SLC43A2: variants seen among roughly 807,000 people sequenced by gnomAD.
SLC43A2 encodes the protein solute carrier family 43 member 2.
In SLC43A2, 38 loss-of-function variants were observed where a neutral mutation model predicts 63.2. The observed-to-expected ratio is 0.60, with a 90% CI of 0.46 to 0.79. The LOEUF is 0.79. Ranked by LOEUF, SLC43A2 falls within the 30% of genes least tolerant of loss-of-function variation. The probability of loss-of-function intolerance (pLI) is 0.00; values close to 1 mark genes in which losing one functional copy is unlikely to be tolerated. For synonymous variants in SLC43A2, 322 were observed against 331.0 expected (o/e 0.97, Z 0.30); for missense variants, 644 against 756.2 (o/e 0.85, Z 1.74).
chr17:1,591,310 G>C lies in SLC43A2; in HGVS notation c.890C>G (p.Ser297Cys). ...GCACTTCACCTCCAGGTCGACGGTG[G>C]ACAGGCACAGCTTGTGGCCCTCCTG... ...ALQEGHKLCL[S>C]TVDLEVKCQP... Residue 297 changes from serine (S) to cysteine (C), a missense_variant, in exon 8 of 14, where the codon TCC becomes TGC. Around this residue, in one of 3 missense-constraint regions of SLC43A2, gnomAD observed 528 missense variants for 623.6 expected, o/e 0.85. Transcript: ENST00000301335. 6.2e-7 allele frequency: 1 copy of C among 1,607,736 alleles called. No individual in the cohort carries two copies. The highest frequency in any genetic ancestry group is 8.5e-7 in the Non-Finnish European group (1 of 1,179,930).
intron 2 of SLC43A2, among the ~76,000 whole-genome samples, chr17:1,625,019 C>A (rs1014857385): frequency 2.0e-5 from 3 of 152,170 alleles, no homozygotes; most frequent in Non-Finnish European, 4.4e-5. Context: ...CGTCACGTTG[C>A]CATCCCAGAG....
intron 11 of SLC43A2, among the ~76,000 whole-genome samples, chr17:1,581,207 C>G (rs184959907): frequency 4.3e-4 from 66 of 152,112 alleles, no homozygotes; most frequent in African/African-American, 1.6e-3. Flanking sequence ...AGTGCCCACA[C>G]ACACACACAC....
intron 5 of SLC43A2, chr17:1,604,882 G>A (rs555228626): frequency 6.5e-7 from 1 of 1,535,310 alleles, no homozygotes; most frequent in African/African-American, 1.4e-5. Flanking sequence ...TCCGTCCCCA[G>A]CTTCCCTGCC....
At chr17:1,600,143 TA>T (rs1393472806) in intron 5 of SLC43A2, among the ~76,000 whole-genome samples, 4 of 80,362 alleles carry the variant, frequency 5.0e-5, no homozygotes, top group African/African-American at 2.0e-4. Context: ...TGAATATATA[TA>T]TATATATATT....
intron 5 of SLC43A2, among the ~76,000 whole-genome samples, chr17:1,607,377 C>A (rs1480881348): frequency 6.6e-6 from 1 of 152,202 alleles, no homozygotes; most frequent in Non-Finnish European, 1.5e-5. Context: ...AGATTCGGCT[C>A]TGCTCAGCAG....
intron 3 of SLC43A2, 111 bp downstream of exon 3, chr17:1,616,451 G>T: frequency 9.3e-7 from 1 of 1,075,912 alleles, no homozygotes. Flanking sequence ...GGCCTTCAGG[G>T]AGCTCCACAG....
intron 2 of SLC43A2, among the ~76,000 whole-genome samples, chr17:1,621,316 A>G (rs570830561): frequency 1.7e-4 from 26 of 152,226 alleles, no homozygotes; most frequent in African/African-American, 5.5e-4. Context: ...ACCTGGCTTG[A>G]GGTCCCCTCT....
chr17:1,575,348 C>G lies in SLC43A2; in HGVS notation c.*256G>C. On this transcript the variant is annotated 3_prime_UTR_variant, in exon 14 of 14. Coordinates refer to ENST00000301335, the MANE Select transcript of SLC43A2 (RefSeq NM_152346.3). ...CTCCTGCTGCAGGCACCACAGAGACCCCAGGCCCCGGGTCCCCGGGGGGCG... is the reference window on the plus strand; with the variant it reads ...CTCCTGCTGCAGGCACCACAGAGACGCCAGGCCCCGGGTCCCCGGGGGGCG... 1 of 551,812 alleles carries G rather than the reference C, an allele frequency of 1.8e-6. No homozygotes were observed. Among genetic ancestry groups the G allele is most frequent in the South Asian group, 2.1e-5 (1 of 48,284 alleles). 34.2% of individuals were successfully genotyped at this position (551,812 alleles called of 1,614,324 possible).
At chr17:1,626,018 A>G (rs552107858) in intron 2 of SLC43A2, among the ~76,000 whole-genome samples, 2 of 151,796 alleles carry the variant, frequency 1.3e-5, no homozygotes, top group South Asian at 2.1e-4. Context: ...AAAAAAACAA[A>G]AAACAAAAAA....
In SLC43A2 at chr17:1,580,087, C is replaced by T. The variant is rs186476791; in HGVS notation, c.1351-1764G>A. ...GATTACAGGTGCATGCCACCAAGCCCGGCTAATTTTTGTATTTTTTGTAGA... is the reference window on the plus strand; with the variant it reads ...GATTACAGGTGCATGCCACCAAGCCTGGCTAATTTTTGTATTTTTTGTAGA... On this transcript the variant is annotated intron_variant, in intron 11 of 13. Coordinates refer to ENST00000301335, the MANE Select transcript of SLC43A2 (RefSeq NM_152346.3). Among the ~76,000 whole-genome samples the T allele has an allele frequency of 4.1e-3, 623 of 152,174 alleles. 5 individuals are homozygous for T. Among genetic ancestry groups the T allele is most frequent in the Non-Finnish European group, 4.6e-3 (310 of 67,994 alleles).
At chr17:1,622,160 A>G (rs1908215575) in intron 2 of SLC43A2, among the ~76,000 whole-genome samples, 1 of 152,254 alleles carries the variant, frequency 6.6e-6, no homozygotes, top group African/African-American at 2.4e-5. Context: ...TGCCGGCCCC[A>G]GCCTTTAAAC....
intron 8 of SLC43A2, 30 bp from the exon 9 acceptor site, chr17:1,590,978 C>T (rs759414587): frequency 1.6e-5 from 24 of 1,546,460 alleles, no homozygotes; most frequent in Middle Eastern, 2.2e-4. Flanking sequence ...GGCTCAGGGC[C>T]GGGGCACACT....
intron 5 of SLC43A2, among the ~76,000 whole-genome samples, chr17:1,599,810 T>C (rs1011945927): frequency 2.0e-5 from 3 of 151,564 alleles, no homozygotes; most frequent in Non-Finnish European, 2.9e-5. Flanking sequence ...TTTGGGAAGC[T>C]GAGGCGGGTG....
intron 5 of SLC43A2, among the ~76,000 whole-genome samples, chr17:1,594,803 T>C (rs557204176): frequency 4.1e-4 from 62 of 151,776 alleles, no homozygotes; most frequent in South Asian, 1.7e-3. Context: ...TTAGCCAGGA[T>C]GGTCTGGATC....
rs2075885513 is a variant in SLC43A2, at chr17:1,574,036, C to T, written c.*1568G>A. On this transcript the variant is annotated 3_prime_UTR_variant, in exon 14 of 14. Coordinates refer to ENST00000301335, the MANE Select transcript of SLC43A2 (RefSeq NM_152346.3). ...CCCTTTCCTCTTCTCCTTTCATCCC[C>T]CTCCCTGCCGCCCACATCCTGAACT... 1 of 152,456 alleles carries T rather than the reference C, an allele frequency of 6.6e-6. No homozygotes were observed. The allele number at this position is 152,456 out of a possible 1,614,324, so 9.4% of individuals were successfully genotyped here. A position where few individuals can be genotyped will look rare whatever the true frequency, so the allele number is the denominator to read the frequency against.
intron 10 of SLC43A2, among the ~76,000 whole-genome samples, chr17:1,584,047 C>T (rs1034410448): frequency 6.6e-6 from 1 of 152,018 alleles, no homozygotes; most frequent in Non-Finnish European, 1.5e-5. Flanking sequence ...AGGCACGCGC[C>T]ACCTTACCCG....
At chr17:1,616,488 A>G in intron 3 of SLC43A2, 74 bp downstream of exon 3, 1 of 1,421,116 alleles carries the variant, frequency 7.0e-7, no homozygotes, top group Non-Finnish European at 9.6e-7. Flanking sequence ...TACGACCAGG[A>G]TACCCTTCTG....
chr17:1,596,191 A>G (rs532172716), intron 5 of SLC43A2, among the ~76,000 whole-genome samples: 1 of 152,148 alleles, frequency 6.6e-6, no homozygotes, highest in African/African-American at 2.4e-5. Flanking sequence ...GTGGTGGTGG[A>G]CGCCTGTAAT....
chr17:1,580,845 C>T (rs1269991803), intron 11 of SLC43A2, among the ~76,000 whole-genome samples: 1 of 151,686 alleles, frequency 6.6e-6, no homozygotes, highest in Non-Finnish European at 1.5e-5. Flanking sequence ...AGCCGAGATT[C>T]TCCCACCTCA....
Sources: gnomAD v4.1 joint callset for allele counts (sites outside exome capture counted in the v4.1 genomes callset) on GRCh38, gnomAD v4.1.1 for gene constraint, gnomAD v4.1.1 regional missense constraint, MANE v1.5 for transcripts, NCBI Gene and HGNC (gene_info 2026-07-23, HGNC 2026-07-21) for gene names.